Variants in SSBP3 observed in about 807,000 individuals in gnomAD.
SSBP3 encodes the protein single stranded DNA binding protein 3, also known as single-stranded DNA-binding protein 3.
Under a neutral mutation model 69.6 loss-of-function variants are expected in SSBP3, and 5 were observed. The observed-to-expected ratio is 0.07, with a 90% confidence interval of 0.04 to 0.15. The LOEUF (loss-of-function observed/expected upper bound fraction) is 0.15, where lower values mean the gene tolerates loss of function less well. Among genes scored for constraint, SSBP3 ranks in the 10% least tolerant of loss-of-function variants. The pLI, the probability that SSBP3 is intolerant of heterozygous loss-of-function variation, is 1.00. For missense variants in SSBP3, 312 were observed against 534.0 expected (o/e 0.58, Z 4.10); for synonymous variants, 196 against 193.4 (o/e 1.01, Z -0.11).
chr1:54,329,287 G>T (rs1646365921), intron 4 of SSBP3, among the ~76,000 whole-genome samples: 1 of 152,176 alleles, frequency 6.6e-6, no homozygotes, highest in South Asian at 2.1e-4. Flanking sequence ...CATTAAGAAG[G>T]CTGCACATTT....
intron 4 of SSBP3, among the ~76,000 whole-genome samples, chr1:54,399,052 G>C (rs1039911877): frequency 6.6e-6 from 1 of 152,188 alleles, no homozygotes; most frequent in Non-Finnish European, 1.5e-5. Flanking sequence ...GTCTCTAAAA[G>C]AACACCATTC....
At chr1:54,322,011 T>A (rs910641465) in intron 4 of SSBP3, among the ~76,000 whole-genome samples, 5 of 152,122 alleles carry the variant, frequency 3.3e-5, no homozygotes, top group African/African-American at 1.2e-4. Flanking sequence ...TTCCAAAGCT[T>A]CAGGACTGGA....
At chr1:54,249,234 C>G (rs538418769) in intron 9 of SSBP3, among the ~76,000 whole-genome samples, 1 of 152,286 alleles carries the variant, frequency 6.6e-6, no homozygotes, top group African/African-American at 2.4e-5. Flanking sequence ...TTACGATGGT[C>G]CTAACAAACT....
At chr1:54,393,762 A>AT (rs1170416426) in intron 4 of SSBP3, among the ~76,000 whole-genome samples, 2 of 152,060 alleles carry the variant, frequency 1.3e-5, no homozygotes, top group Non-Finnish European at 2.9e-5. Context: ...GGCATACTTT[A>AT]TTTTTTTATT....
intron 4 of SSBP3, among the ~76,000 whole-genome samples, chr1:54,329,091 CAG>C (rs1646360716): frequency 1.3e-5 from 2 of 149,066 alleles, no homozygotes; most frequent in African/African-American, 4.8e-5. Context: ...AGCCTCAAAA[CAG>C]AGAAAAGAAA....
intron 4 of SSBP3, among the ~76,000 whole-genome samples, chr1:54,358,747 T>A (rs7531029): frequency 0.17 from 25,351 of 152,054 alleles, 2,301 homozygotes; most frequent in African/African-American, 0.23. Context: ...ATCCCAGCAG[T>A]GTGTCCCCAC....
intron 9 of SSBP3, among the ~76,000 whole-genome samples, chr1:54,247,689 A>C (rs935498825): frequency 6.6e-5 from 10 of 152,134 alleles, no homozygotes; most frequent in Non-Finnish European, 1.3e-4. Context: ...CCTGAATACC[A>C]GAAACAACAA....
intron 5 of SSBP3, among the ~76,000 whole-genome samples, chr1:54,271,780 C>CT (rs946041688): frequency 1.3e-4 from 20 of 152,052 alleles, no homozygotes; most frequent in African/African-American, 4.6e-4. Flanking sequence ...TTTTCTTTTT[C>CT]TTTTTTTGAG....
chr1:54,234,314 C>G (rs1261520734), intron 14 of SSBP3, among the ~76,000 whole-genome samples: 1 of 148,144 alleles, frequency 6.8e-6, no homozygotes, highest in Admixed American at 6.7e-5. Context: ...CCAAATCCCC[C>G]TCTGTGAGAA....
At chr1:54,294,596 A>C (rs1161304755) in intron 4 of SSBP3, among the ~76,000 whole-genome samples, 7 of 152,164 alleles carry the variant, frequency 4.6e-5, no homozygotes, top group African/African-American at 1.7e-4. Flanking sequence ...CCCACAGTGG[A>C]AGAAGACAAG....
At chr1:54,256,193 A>ATTT (rs772903331) in intron 7 of SSBP3, among the ~76,000 whole-genome samples, 9,896 of 152,210 alleles carry the variant, frequency 0.065, 427 homozygotes, top group South Asian at 0.23. Context: ...TCACACTCAG[A>ATTT]CAATGCTAAT....
rs148031985 is a variant in SSBP3, at chr1:54,338,724, A to G, written c.277-57197T>C. On this transcript the variant is annotated intron_variant, in intron 4 of 17. Coordinates refer to ENST00000610401, the Ensembl canonical transcript of SSBP3. The stretch of plus-strand genomic sequence containing the variant: ...CAGTAATTCTGAATATGACGTGAAC[A>G]ACGTAAAAATAGCTCCTGTATCTCT... 4.0e-3 allele frequency among the ~76,000 whole-genome samples: 609 copies of G among 152,338 alleles called. 7 individuals are homozygous for G. The highest frequency in any genetic ancestry group is 0.014 in the African/African-American group (567 of 41,572).
intron 4 of SSBP3, among the ~76,000 whole-genome samples, chr1:54,379,750 G>A (rs536837848): frequency 7.2e-5 from 11 of 152,210 alleles, no homozygotes; most frequent in African/African-American, 2.4e-4. Context: ...CTCCTTGCCC[G>A]AGCCAAAGTC....
intron 4 of SSBP3, among the ~76,000 whole-genome samples, chr1:54,369,218 C>CGGGGGG (rs11433392): frequency 4.2e-4 from 52 of 124,646 alleles, no homozygotes; most frequent in African/African-American, 1.7e-3. Context: ...CCTCTTGAGT[C>CGGGGGG]GGGGGGGGGG....
At chr1:54,236,419 CCT>C (rs1644496525) in intron 14 of SSBP3, 1 of 152,158 alleles carries the variant, frequency 6.6e-6, no homozygotes, top group Non-Finnish European at 1.5e-5. Flanking sequence ...CCGCGCCCAG[CCT>C]ATGTATTTTT....
intron 4 of SSBP3, among the ~76,000 whole-genome samples, chr1:54,336,722 A>C (rs1180428939): frequency 6.6e-6 from 1 of 152,180 alleles, no homozygotes; most frequent in Non-Finnish European, 1.5e-5. Context: ...AAATAATCCC[A>C]CACCAAGGAC....
At chr1:54,386,406 G>A (rs1648081438) in intron 4 of SSBP3, among the ~76,000 whole-genome samples, 2 of 152,286 alleles carry the variant, frequency 1.3e-5, no homozygotes, top group Non-Finnish European at 2.9e-5. Flanking sequence ...TCAACTCCCA[G>A]GAGCTGGGGA....
At chr1:54,405,164 C>T (rs1328796340) in intron 1 of SSBP3, among the ~76,000 whole-genome samples, 1 of 152,184 alleles carries the variant, frequency 6.6e-6, no homozygotes, top group Admixed American at 6.5e-5. Flanking sequence ...AGCCCCCAAA[C>T]TTGAACTTCC....
At chr1:54,262,504 G>A (rs978053273) in intron 5 of SSBP3, among the ~76,000 whole-genome samples, 3 of 152,218 alleles carry the variant, frequency 2.0e-5, no homozygotes, top group African/African-American at 7.2e-5. Flanking sequence ...TATGTGGCCA[G>A]CCAGCCCCAT....
Sources: allele counts gnomAD v4.1 joint callset (sites outside exome capture counted in the v4.1 genomes callset), GRCh38; gene constraint gnomAD v4.1.1; transcripts MANE v1.5; gene names NCBI Gene and HGNC (gene_info 2026-07-23, HGNC 2026-07-21).